MCC: variants seen among roughly 807,000 people sequenced by gnomAD.
MCC encodes the protein colorectal mutant cancer protein.
A neutral mutation model predicts 116.2 loss-of-function variants in MCC; 90 were observed. The observed-to-expected ratio is 0.77, with a 90% CI of 0.65 to 0.92. The LOEUF is 0.92. Among genes scored for constraint, MCC ranks in the 40% least tolerant of loss-of-function variants. The pLI is 0.00. For synonymous variants in MCC, 578 were observed against 510.5 expected (o/e 1.13, Z -1.78); for missense variants, 1,516 against 1,312.2 (o/e 1.16, Z -2.40).
intron 1 of MCC, among the ~76,000 whole-genome samples, chr5:113,421,065 C>T (rs1580354027): frequency 6.6e-6 from 1 of 151,978 alleles, no homozygotes; most frequent in East Asian, 1.9e-4. Context: ...ACTCTGTTGC[C>T]TAGGCTGGAG....
intron 14 of MCC, among the ~76,000 whole-genome samples, chr5:113,060,445 G>A (rs1209863577): frequency 6.6e-6 from 1 of 152,136 alleles, no homozygotes; most frequent in African/African-American, 2.4e-5. Flanking sequence ...GAGTCACTGC[G>A]CCCGGCCTAG....
intron 3 of MCC, among the ~76,000 whole-genome samples, chr5:113,185,324 C>G (rs1007532511): frequency 1.3e-5 from 2 of 152,096 alleles, no homozygotes; most frequent in African/African-American, 2.4e-5. Context: ...GGAAACAACT[C>G]TATGGACCTG....
intron 6 of MCC, among the ~76,000 whole-genome samples, chr5:113,119,063 T>G (rs1193032250): frequency 6.6e-6 from 1 of 152,222 alleles, no homozygotes; most frequent in Non-Finnish European, 1.5e-5. Flanking sequence ...AGGTCTTCCC[T>G]GTGGACCTGT....
rs369318077 is a variant in MCC, at chr5:113,086,750, G to GGTCC, written c.1399-1444_1399-1441dup. 8.5e-4 allele frequency among the ~76,000 whole-genome samples: 128 copies of GGTCC among 149,886 alleles called. 2 individuals carry two copies. The highest frequency in any genetic ancestry group is 3.1e-3 in the African/African-American group (120 of 39,344). On this transcript the variant is annotated intron_variant, in intron 8 of 18. Coordinates refer to ENST00000408903, the MANE Select transcript of MCC (RefSeq NM_001085377.2). Reference sequence around the variant, plus strand: ...GAGCAAACTAACTACAACACCCAGCGGTCCTTACAAATGGACATCAGACTT... The same window carrying GGTCC: ...GAGCAAACTAACTACAACACCCAGCGGTCCGTCCTTACAAATGGACATCAGACTT...
chr5:113,066,710 G>A (rs954485952), intron 13 of MCC, among the ~76,000 whole-genome samples: 5 of 151,882 alleles, frequency 3.3e-5, no homozygotes, highest in Non-Finnish European at 5.9e-5. Flanking sequence ...GAGCGGGGAA[G>A]AAGGACAGGA....
intron 3 of MCC, among the ~76,000 whole-genome samples, chr5:113,251,656 G>A (rs1476936995): frequency 6.6e-6 from 1 of 152,094 alleles, no homozygotes; most frequent in Non-Finnish European, 1.5e-5. Context: ...CAGATCTTCT[G>A]ACTTCTCAAA....
At chr5:113,294,677 G>A (rs1231612000) in intron 3 of MCC, 1 of 1,050,260 alleles carries the variant, frequency 9.5e-7, no homozygotes, top group East Asian at 7.3e-5. Context: ...CGCGCACCCA[G>A]CGCCCCGTTC....
At chr5:113,467,946 A>G (rs539237751) in intron 1 of MCC, among the ~76,000 whole-genome samples, 19 of 152,198 alleles carry the variant, frequency 1.2e-4, no homozygotes, top group African/African-American at 4.1e-4. Flanking sequence ...CTTTGAAGCA[A>G]TTGTGAATGG....
rs60886614 is a variant in MCC, at chr5:113,339,408, A to AGTGTGTGTGTGTGTGT, written c.627+1095_627+1110dup. ...GTCCATATTTTATCTAGGCTTCCTT[A>AGTGTGTGTGTGTGTGT]GTGTGTGTGTGTGTGTGTGTGTGTG... is the stretch of plus-strand genomic sequence containing the variant. On this transcript the variant is annotated intron_variant, in intron 3 of 18. Coordinates refer to ENST00000408903, the MANE Select transcript of MCC (RefSeq NM_001085377.2). Among the ~76,000 whole-genome samples, 70 of 123,664 alleles carry AGTGTGTGTGTGTGTGT rather than the reference A, an allele frequency of 5.7e-4. 1 individual carries two copies. The highest frequency in any genetic ancestry group is 1.8e-3 in the African/African-American group (56 of 31,556). 81.1% of individuals were successfully genotyped at this position (123,664 alleles called of 152,430 possible).
intron 18 of MCC, among the ~76,000 whole-genome samples, chr5:113,027,821 C>T (rs576205425): frequency 2.0e-5 from 3 of 152,274 alleles, no homozygotes; most frequent in Admixed American, 2.0e-4. Flanking sequence ...CTATTTGTTG[C>T]TCCATGGTTG....
At chr5:113,406,026 G>A (rs142425513) in intron 1 of MCC, among the ~76,000 whole-genome samples, 2 of 151,992 alleles carry the variant, frequency 1.3e-5, no homozygotes, top group African/African-American at 4.8e-5. Context: ...CTCAAAAGCG[G>A]CACAATTCAA....
At chr5:113,375,319 C>T (rs1768956223) in intron 2 of MCC, among the ~76,000 whole-genome samples, 2 of 152,106 alleles carry the variant, frequency 1.3e-5, no homozygotes, top group South Asian at 4.1e-4. Context: ...TTGTTTGCTT[C>T]ACACATTTTT....
At chr5:113,122,186 A>C (rs1344562489) in intron 6 of MCC, among the ~76,000 whole-genome samples, 3 of 152,224 alleles carry the variant, frequency 2.0e-5, no homozygotes, top group African/African-American at 7.2e-5. Flanking sequence ...CTCAAACATA[A>C]TATGACTATT....
chr5:113,471,207 G>A (rs61641577), intron 1 of MCC, among the ~76,000 whole-genome samples: 5,132 of 152,180 alleles, frequency 0.034, 134 homozygotes, highest in African/African-American at 0.073. Flanking sequence ...GCTTTGTTCC[G>A]CTGCTGGTGA....
At chr5:113,160,840 C>G (rs1021351907) in intron 3 of MCC, among the ~76,000 whole-genome samples, 1 of 152,168 alleles carries the variant, frequency 6.6e-6, no homozygotes, top group African/African-American at 2.4e-5. Context: ...TAATCTCCAG[C>G]TATTCCTACA....
chr5:113,171,238 T>G (rs1761056017), intron 3 of MCC, among the ~76,000 whole-genome samples: 1 of 151,808 alleles, frequency 6.6e-6, no homozygotes, highest in South Asian at 2.1e-4. Context: ...AAAATAGAGC[T>G]GTTTCATCAC....
chr5:113,178,405 C>G (rs1378358424), intron 3 of MCC, among the ~76,000 whole-genome samples: 1 of 152,066 alleles, frequency 6.6e-6, no homozygotes, highest in East Asian at 1.9e-4. Context: ...AGTTGAGGTA[C>G]TAGAAAACAA....
chr5:113,034,524 G>A (rs1751193167), intron 17 of MCC, among the ~76,000 whole-genome samples: 1 of 152,244 alleles, frequency 6.6e-6, no homozygotes, highest in East Asian at 1.9e-4. Flanking sequence ...ATGAGGCTGT[G>A]AGTGGCTTCA....
chr5:113,393,746 C>T (rs10478121), intron 1 of MCC, among the ~76,000 whole-genome samples: 7,970 of 152,252 alleles, frequency 0.052, 397 homozygotes, highest in African/African-American at 0.12. Flanking sequence ...CATATAATCC[C>T]AGAGACACAT....
Sources: gnomAD v4.1 joint callset for allele counts (sites outside exome capture counted in the v4.1 genomes callset) on GRCh38, gnomAD v4.1.1 for gene constraint, MANE v1.5 for transcripts, NCBI Gene and HGNC (gene_info 2026-07-23, HGNC 2026-07-21) for gene names.